Variants in PTCH2 observed in about 807,000 individuals in gnomAD.
PTCH2 encodes the protein patched 2.
A neutral mutation model predicts 117.9 loss-of-function variants in PTCH2; 96 were observed. That is an observed-to-expected ratio of 0.81 (90% CI 0.69 to 0.96). The LOEUF is 0.96. Among genes scored for constraint, PTCH2 ranks in the 50% least tolerant of loss-of-function variants. The pLI is 0.00. For missense variants in PTCH2, 1,379 were observed against 1,562.5 expected, an observed-to-expected ratio of 0.88 and a Z score of 1.98; for synonymous variants, 615 against 660.9, an observed-to-expected ratio of 0.93 and a Z score of 1.06.
chr1:44,830,108 G>A lies in PTCH2; in HGVS notation c.814-78C>T, dbSNP rs1416505573. ...AGTGTCCCTGGGCTTCCACCTCCAGGAACCACGCTGCCATGAAGCTCAGTA... is the reference window on the plus strand; with the variant it reads ...AGTGTCCCTGGGCTTCCACCTCCAGAAACCACGCTGCCATGAAGCTCAGTA... On this transcript the variant is annotated intron_variant, in intron 6 of 21. Transcript: ENST00000372192. 5 of 1,574,548 alleles carry A rather than the reference G, an allele frequency of 3.2e-6. No individual in the cohort carries two copies. In the East Asian group the frequency reaches 9.0e-5, roughly 28 times the overall value.
chr1:44,827,321 C>G lies in PTCH2; in HGVS notation c.2372-12G>C, dbSNP rs28497277. 1 of 1,613,754 alleles carries G rather than the reference C, an allele frequency of 6.2e-7. No homozygotes were observed. The highest frequency in any genetic ancestry group is 1.6e-4 in the Middle Eastern group (1 of 6,062). On this transcript the variant is annotated splice_polypyrimidine_tract_variant and intron_variant, in intron 15 of 21. Coordinates refer to ENST00000372192, the MANE Select transcript of PTCH2 (RefSeq NM_003738.5). ...GGCAGCCTGGATTCCTGGGGGAGAC[C>G]AGGATAGGGTTCTATTAGCTGGTGG... is the stretch of plus-strand genomic sequence containing the variant.
downstream of PTCH2, chr1:44,820,682 G>A (rs1367237036): frequency 1.4e-6 from 1 of 717,792 alleles, no homozygotes; most frequent in South Asian, 1.5e-5. Flanking sequence ...GGGGTGGGAG[G>A]CAGAGGCTAG....
intron 2 of PTCH2, among the ~76,000 whole-genome samples, chr1:44,835,434 A>G (rs187978394): frequency 6.6e-6 from 1 of 152,328 alleles, no homozygotes; most frequent in East Asian, 1.9e-4. Flanking sequence ...ATAAATAATA[A>G]TGTAAATGCA....
chr1:44,828,975 G>A lies in PTCH2; in HGVS notation c.1464+7C>T, dbSNP rs1276899675. The A allele has an allele frequency of 6.4e-7, 1 of 1,553,312 alleles. No individual in the cohort carries two copies. Among genetic ancestry groups the A allele is most frequent in the Non-Finnish European group, 8.7e-7 (1 of 1,147,844 alleles). On this transcript the variant is annotated splice_region_variant and intron_variant, in intron 11 of 21. Coordinates refer to ENST00000372192, the MANE Select transcript of PTCH2 (RefSeq NM_003738.5). Reference sequence around the variant, plus strand: ...CCTCAGATGAGCCCTGGGGGACAAGGCCCCACCTGGAGAGGGGTGCCAGGC... The same window carrying A: ...CCTCAGATGAGCCCTGGGGGACAAGACCCCACCTGGAGAGGGGTGCCAGGC...
chr1:44,833,040 C>T (rs916938166), intron 2 of PTCH2, among the ~76,000 whole-genome samples: 1 of 152,146 alleles, frequency 6.6e-6, no homozygotes, highest in East Asian at 1.9e-4. Flanking sequence ...GGGGTGAAAT[C>T]AAAGTGGGCC....
At chr1:44,820,048 C>G (rs41269087), downstream of PTCH2, 1,748 of 217,860 alleles carry the variant, frequency 8.0e-3, 19 homozygotes, top group Middle Eastern at 0.018. Flanking sequence ...ACTTAACACA[C>G]TTATGGTTGT....
rs962802320 is a variant in PTCH2, at chr1:44,830,697, T to C, written c.813+151A>G. 9.2e-5 allele frequency: 62 copies of C among 676,328 alleles called. 1 individual carries two copies. The highest frequency in any genetic ancestry group is 6.0e-4 in the Admixed American group (17 of 28,256). The allele number at this position is 676,328 out of a possible 1,614,324, so 41.9% of individuals were successfully genotyped here. A position where few individuals can be genotyped will look rare whatever the true frequency, so the allele number is the denominator to read the frequency against. On this transcript the variant is annotated intron_variant, in intron 6 of 21. Coordinates refer to ENST00000372192, the MANE Select transcript of PTCH2 (RefSeq NM_003738.5). ...AGGATAACTGAATGGGAATGGAACA[T>C]TGGGGGCCTGGCACTGTGGGAGCAG...
downstream of PTCH2, chr1:44,821,753 T>C: frequency 7.8e-7 from 1 of 1,283,932 alleles, no homozygotes; most frequent in South Asian, 1.3e-5. Flanking sequence ...TTTTGTATAG[T>C]AAGCACTTAA....
rs1654029141 is a variant in PTCH2 at position 44,843,207 on chromosome 1, G to A, written c.-275C>T. On this transcript the variant is annotated 5_prime_UTR_variant, in exon 1 of 22. Transcript: ENST00000372192. ...GGAGGAATGGGTCCCGCGCGCAGGC[G>A]GAATTGCTGGCCCGAGACGCACAGC... is the stretch of plus-strand genomic sequence containing the variant. 2.5e-6 allele frequency: 3 copies of A among 1,200,660 alleles called. No individual in the cohort carries two copies. The highest frequency in any genetic ancestry group is 4.5e-5 in the Admixed American group (1 of 22,418). 74.4% of individuals were successfully genotyped at this position (1,200,660 alleles called of 1,614,324 possible).
At chr1:44,832,110 C>CA (rs1031898573) in intron 3 of PTCH2, 42 bp downstream of exon 3, 1 of 1,613,352 alleles carries the variant, frequency 6.2e-7, no homozygotes, top group Non-Finnish European at 8.5e-7. Context: ...ACCCCCACAG[C>CA]ACGCCTCGCC....
At chr1:44,836,139 C>T (rs1193933795) in intron 2 of PTCH2, among the ~76,000 whole-genome samples, 1 of 152,176 alleles carries the variant, frequency 6.6e-6, no homozygotes, top group Non-Finnish European at 1.5e-5. Flanking sequence ...TGATTAGGGA[C>T]AGCTGGGCTC....
In PTCH2 at chr1:44,824,399, C is replaced by G. The variant is rs1210778158; in HGVS notation, c.3115-1014G>C. 2.6e-5 allele frequency among the ~76,000 whole-genome samples: 4 copies of G among 152,154 alleles called. No homozygotes were observed. In the East Asian group the frequency reaches 7.7e-4, roughly 29 times the overall value. On this transcript the variant is annotated intron_variant, in intron 19 of 21. Transcript: ENST00000372192. ...CCCCTTTCCTCTGCCAGAGAATATG[C>G]AGCCCTGGGCGAGGCCCTCCTTGGT...
intron 11 of PTCH2, 115 bp downstream of exon 11, chr1:44,828,867 C>T: frequency 1.6e-6 from 2 of 1,270,320 alleles, no homozygotes; most frequent in Admixed American, 4.0e-5. Flanking sequence ...CCCCTGTTTA[C>T]AGATGGGGAC....
rs568657040 is a variant in PTCH2, at chr1:44,840,057, G to A, written c.265+1790C>T. Reference sequence around the variant, plus strand: ...GGAGTTTGACTCCTATCAAAGGGCTGCCATATGAAACCAGCCCTCAGGAAA... The same window carrying A: ...GGAGTTTGACTCCTATCAAAGGGCTACCATATGAAACCAGCCCTCAGGAAA... On this transcript the variant is annotated intron_variant, in intron 2 of 21. Transcript: ENST00000372192. Among the ~76,000 whole-genome samples, 22 of 151,686 alleles carry A rather than the reference G, an allele frequency of 1.5e-4. No homozygotes were observed. The Middle Eastern group carries it at 0.01, about 71-fold the overall frequency.
intron 2 of PTCH2, among the ~76,000 whole-genome samples, chr1:44,833,482 G>T (rs996838398): frequency 1.0e-4 from 15 of 148,854 alleles, no homozygotes; most frequent in African/African-American, 3.7e-4. Flanking sequence ...TATTGCCCAG[G>T]CTGGAGTGCA....
rs868840682 is a variant in PTCH2 at position 44,834,132 on chromosome 1, T to G, written c.266-1791A>C. Among the ~76,000 whole-genome samples, 8 of 151,436 alleles carry G rather than the reference T, an allele frequency of 5.3e-5. No homozygotes were observed. The South Asian group carries it at 6.3e-4, about 12-fold the overall frequency. ...CTGCCAGTTCCTTCCCTTTTTTTTT[T>G]TTTTGAGACTGAGTTTCGCTCTTAT... On this transcript the variant is annotated intron_variant, in intron 2 of 21. Coordinates refer to ENST00000372192, the MANE Select transcript of PTCH2 (RefSeq NM_003738.5).
Position 44,842,018 on chromosome 1 carries a change from C to G in PTCH2, c.94G>C (p.Ala32Pro), listed in dbSNP as rs532455441. 1.9e-6 allele frequency: 3 copies of G among 1,613,524 alleles called. No homozygotes were observed. Among genetic ancestry groups the G allele is most frequent in the Non-Finnish European group, 2.5e-6 (3 of 1,179,624 alleles). ...AAGTAAGCACGAAGCCAGAGTGGAG[C>G]CTTCAGGCTCCCAGCTAGGATCTGG... ...APQILAGSLK[A>P]PLWLRAYFQG... The change falls in exon 2 of 22, where the codon GCT becomes CCT. Residue 32 changes from alanine (A) to proline (P), a missense_variant. By Grantham distance (27) the Ala-to-Pro change is conservative. Transcript: ENST00000372192.
In PTCH2 at chr1:44,827,438, G is replaced by C. The variant is rs745750666; in HGVS notation, c.2335C>G (p.Arg779Gly). 3.7e-6 allele frequency: 6 copies of C among 1,613,960 alleles called. No homozygotes were observed. The Admixed American group carries it at 5.0e-5, about 13-fold the overall frequency. ...VLPPPATQAPRTWLHYYRNWL... is the reference protein window; with the variant it reads ...VLPPPATQAPGTWLHYYRNWL... ...TTGCGGTAATAGTGCAGCCAGGTGC[G>C]GGGTGCCTGGGTGGCCGGTGGGGGC... Residue 779 changes from arginine (R) to glycine (G), a missense_variant, in exon 15 of 22, where the codon CGC becomes GGC. Arg to Gly is a moderately radical substitution (Grantham distance 125). Transcript: ENST00000372192.
intron 2 of PTCH2, among the ~76,000 whole-genome samples, chr1:44,837,706 C>A (rs1244366078): frequency 6.6e-6 from 1 of 152,004 alleles, no homozygotes; most frequent in Non-Finnish European, 1.5e-5. Context: ...GGCCTAAAAG[C>A]ATTCTAAATG....
Sources: gnomAD v4.1 joint callset for allele counts (sites outside exome capture counted in the v4.1 genomes callset) on GRCh38, gnomAD v4.1.1 for gene constraint, MANE v1.5 for transcripts, NCBI Gene and HGNC (gene_info 2026-07-23, HGNC 2026-07-21) for gene names.